The following BCL2L11 variants were observed in gnomAD, a reference collection of about 807,000 sequenced individuals.
BCL2L11 encodes the protein BCL2 like 11.
In BCL2L11, 15 loss-of-function variants were observed where a neutral mutation model predicts 20.6. That is an observed-to-expected ratio of 0.73 (90% CI 0.49 to 1.12). BCL2L11 has a LOEUF of 1.12. BCL2L11 is among the 50% of genes most tolerant of loss of function. The pLI, the probability that BCL2L11 is intolerant of heterozygous loss-of-function variation, is 0.00. For missense variants in BCL2L11, 292 were observed against 260.9 expected, an observed-to-expected ratio of 1.12 and a Z score of -0.82; for synonymous variants, 108 against 92.8, an observed-to-expected ratio of 1.16 and a Z score of -0.94.
intron 3 of BCL2L11, among the ~76,000 whole-genome samples, chr2:111,152,456 T>C (rs1446160746): frequency 6.6e-6 from 1 of 152,230 alleles, no homozygotes; most frequent in Non-Finnish European, 1.5e-5. Flanking sequence ...CAAGTTTCTC[T>C]TTAAAGCATG....
At chr2:111,135,997 G>A (rs910886918) in intron 2 of BCL2L11, among the ~76,000 whole-genome samples, 1 of 152,174 alleles carries the variant, frequency 6.6e-6, no homozygotes, top group African/African-American at 2.4e-5. Flanking sequence ...TGGAATCAGA[G>A]CACCTCCTGC....
chr2:111,151,415 T>C (rs55938661), intron 3 of BCL2L11, among the ~76,000 whole-genome samples: 2,454 of 152,368 alleles, frequency 0.016, 63 homozygotes, highest in African/African-American at 0.055. Context: ...GAAAATGTTA[T>C]AGTTGTTAAT....
In BCL2L11 at chr2:111,166,455, C is replaced by T. The variant is rs989349272; in HGVS notation, c.*2224C>T. ...AGTATTAAAGACCAGGCTGTTGGCA[C>T]CAGAACTTAAAGCGATGACTGGATG... On this transcript the variant is annotated 3_prime_UTR_variant, in exon 4 of 4. Transcript: ENST00000393256. The T allele has an allele frequency of 1.3e-5, 2 of 152,668 alleles. No individual in the cohort carries two copies. The highest frequency in any genetic ancestry group is 1.5e-5 in the Non-Finnish European group (1 of 68,052). 9.5% of individuals were successfully genotyped at this position (152,668 alleles called of 1,614,324 possible). A position where few individuals can be genotyped will look rare whatever the true frequency, so the allele number is the denominator to read the frequency against.
intron 3 of BCL2L11, among the ~76,000 whole-genome samples, chr2:111,158,003 G>A (rs756521215): frequency 6.6e-6 from 1 of 152,184 alleles, no homozygotes; most frequent in Non-Finnish European, 1.5e-5. Flanking sequence ...TGTTGCCTTG[G>A]TGATGAATAG....
chr2:111,163,050 A>C (rs1282317611), intron 3 of BCL2L11: 1 of 152,302 alleles, frequency 6.6e-6, no homozygotes, highest in Non-Finnish European at 1.5e-5. Flanking sequence ...CCTTATCACA[A>C]TCCCATTCTG....
chr2:111,148,922 A>G lies in BCL2L11; in HGVS notation c.395-1122A>G, dbSNP rs80307043. 8.3e-3 allele frequency among the ~76,000 whole-genome samples: 1,259 copies of G among 152,314 alleles called. 6 individuals carry two copies. Among genetic ancestry groups the G allele is most frequent in the Non-Finnish European group, 0.014 (927 of 68,018 alleles). On this transcript the variant is annotated intron_variant, in intron 2 of 3. Coordinates refer to ENST00000393256, the MANE Select transcript of BCL2L11 (RefSeq NM_138621.5). The stretch of plus-strand genomic sequence containing the variant: ...TCAGTATCAGTTTTACTGGCCTTTT[A>G]CAAAAATAAAGACAGGAAGTTATGT...
chr2:111,167,721 TC>T lies in BCL2L11; in HGVS notation c.*3492del, dbSNP rs1460905639. ...GTTTTCCCCCACCTGCTGTGCAACT[TC>T]CTGTGCTTTGAGGTTGGACTAACTT... On this transcript the variant is annotated 3_prime_UTR_variant, in exon 4 of 4. Coordinates refer to ENST00000393256, the MANE Select transcript of BCL2L11 (RefSeq NM_138621.5). The T allele has an allele frequency of 1.3e-5, 2 of 152,362 alleles. No homozygotes were observed. Among genetic ancestry groups the T allele is most frequent in the African/African-American group, 2.4e-5 (1 of 41,430 alleles). The allele number at this position is 152,362 out of a possible 1,614,324, so 9.4% of individuals were successfully genotyped here.
chr2:111,153,874 A>G (rs1349689892), intron 3 of BCL2L11: 2 of 1,550,500 alleles, frequency 1.3e-6, no homozygotes, highest in Non-Finnish European at 1.7e-6. Context: ...TGGAGGCTGA[A>G]TCCTTGAAGG....
intron 2 of BCL2L11, among the ~76,000 whole-genome samples, chr2:111,127,422 T>TC (rs1297027421): frequency 6.7e-6 from 1 of 150,034 alleles, no homozygotes; most frequent in Non-Finnish European, 1.5e-5. Flanking sequence ...TGGCTTTCTT[T>TC]TTTTTTTTTT....
At chr2:111,154,457 C>T (rs374298204) in intron 3 of BCL2L11, among the ~76,000 whole-genome samples, 3 of 152,070 alleles carry the variant, frequency 2.0e-5, no homozygotes, top group African/African-American at 2.4e-5. Flanking sequence ...AATTTGGAAC[C>T]GTTCCTCTGT....
At position 111,167,164 on chromosome 2, in the gene BCL2L11, G is replaced by A. The variant is rs932147015; in HGVS notation, c.*2933G>A. The A allele has an allele frequency of 6.6e-6, 1 of 152,530 alleles. No homozygotes were observed. The highest frequency in any genetic ancestry group is 1.5e-5 in the Non-Finnish European group (1 of 68,028). 9.4% of individuals were successfully genotyped at this position (152,530 alleles called of 1,614,324 possible). On this transcript the variant is annotated 3_prime_UTR_variant, in exon 4 of 4. Transcript: ENST00000393256. ...TAACATCCCTGTCTCCCACTCCCCT[G>A]CCGTCCCATGAAGTTAACTCCTGAG...
Position 111,166,598 on chromosome 2 carries a change from C to G in BCL2L11, c.*2367C>G, listed in dbSNP as rs900220897. The G allele has an allele frequency of 1.3e-5, 2 of 152,596 alleles. No individual in the cohort carries two copies. The highest frequency in any genetic ancestry group is 2.9e-5 in the Non-Finnish European group (2 of 68,038). 9.5% of individuals were successfully genotyped at this position (152,596 alleles called of 1,614,324 possible). A position where few individuals can be genotyped will look rare whatever the true frequency, so the allele number is the denominator to read the frequency against. On this transcript the variant is annotated 3_prime_UTR_variant, in exon 4 of 4. Coordinates refer to ENST00000393256, the MANE Select transcript of BCL2L11 (RefSeq NM_138621.5). The stretch of plus-strand genomic sequence containing the variant: ...TTTTGTAGAAAAAATAATTAAATCC[C>G]CTTTTTGGAAACTTACTGCAGGTTT...
chr2:111,150,953 G>A (rs2077184933), intron 3 of BCL2L11, among the ~76,000 whole-genome samples: 2 of 152,128 alleles, frequency 1.3e-5, no homozygotes, highest in South Asian at 4.1e-4. Context: ...TCACCAGGCT[G>A]AAGTGCAGTG....
intron 3 of BCL2L11, chr2:111,151,749 A>T: frequency 8.2e-7 from 1 of 1,216,012 alleles, no homozygotes; most frequent in Non-Finnish European, 1.2e-6. Flanking sequence ...AGAGTGCTGT[A>T]GTAATGATTC....
intron 3 of BCL2L11, among the ~76,000 whole-genome samples, chr2:111,150,470 T>C (rs1480958061): frequency 6.6e-6 from 1 of 152,248 alleles, no homozygotes; most frequent in Non-Finnish European, 1.5e-5. Context: ...ATCCATGTAG[T>C]GTGTTTCTGT....
chr2:111,157,882 T>C (rs1221243467), intron 3 of BCL2L11, among the ~76,000 whole-genome samples: 2 of 152,162 alleles, frequency 1.3e-5, no homozygotes. Context: ...GGGAGAGTGC[T>C]CTCCTGGTTT....
At position 111,150,131 on chromosome 2, in the gene BCL2L11, C is replaced by T. The variant is rs765247391; in HGVS notation, c.482C>T (p.Ala161Val). 1 of 1,613,756 alleles carries T rather than the reference C, an allele frequency of 6.2e-7. No homozygotes were observed. Among genetic ancestry groups the T allele is most frequent in the Non-Finnish European group, 8.5e-7 (1 of 1,179,760 alleles). ...CGGCGTATTGGAGACGAGTTTAACGCTTACTATGCAAGGAGGGTAATGATG... is the reference window on the plus strand; with the variant it reads ...CGGCGTATTGGAGACGAGTTTAACGTTTACTATGCAAGGAGGGTAATGATG... ...ELRRIGDEFN[A>V]YYARRVFLNN... Residue 161 changes from alanine (A) to valine (V), a missense_variant, in exon 3 of 4, where the codon GCT becomes GTT. By Grantham distance (64) the Ala-to-Val change is moderately conservative. Transcript: ENST00000393256.
chr2:111,131,652 T>C (rs1439102285), intron 2 of BCL2L11: 1 of 152,202 alleles, frequency 6.6e-6, no homozygotes, highest in Non-Finnish European at 1.5e-5. Flanking sequence ...AGACAGACAC[T>C]TGGAATAATG....
intron 2 of BCL2L11, chr2:111,142,438 T>G: frequency 3.5e-6 from 5 of 1,441,554 alleles, no homozygotes; most frequent in Non-Finnish European, 3.8e-6. Flanking sequence ...AAGAAGCAGC[T>G]GCCTTTTGTG....
Sources: allele counts gnomAD v4.1 joint callset (sites outside exome capture counted in the v4.1 genomes callset), GRCh38; gene constraint gnomAD v4.1.1; transcripts MANE v1.5; gene names NCBI Gene and HGNC (gene_info 2026-07-23, HGNC 2026-07-21).